Variants in EDIL3 observed in about 807,000 individuals in gnomAD.
EDIL3 encodes the protein EGF like and discoidin domains 3, also known as EGF-like repeat and discoidin I-like domain-containing protein 3.
EDIL3 carries 37 observed loss-of-function variants against 67.4 expected under a neutral mutation model. The ratio of observed to expected loss-of-function variants is 0.55; its 90% CI spans 0.42 to 0.72. The LOEUF is 0.72. Among genes scored for constraint, EDIL3 ranks in the 30% least tolerant of loss-of-function variants. EDIL3 has a pLI of 0.00. For missense variants in EDIL3, 527 were observed against 586.3 expected (o/e 0.90, Z 1.04); for synonymous variants, 195 against 196.3 (o/e 0.99, Z 0.05).
At chr5:84,373,301 G>A (rs1009543805) in intron 1 of EDIL3, among the ~76,000 whole-genome samples, 3 of 152,084 alleles carry the variant, frequency 2.0e-5, no homozygotes, top group Non-Finnish European at 4.4e-5. Context: ...GCCATTCGGT[G>A]CCAATTTTCT....
chr5:84,012,276 G>A (rs1313013048), intron 9 of EDIL3, among the ~76,000 whole-genome samples: 1 of 152,054 alleles, frequency 6.6e-6, no homozygotes, highest in African/African-American at 2.4e-5. Context: ...TTGAAAAGTT[G>A]CTTACCTCTC....
chr5:83,992,353 A>G (rs1032164854), intron 9 of EDIL3, among the ~76,000 whole-genome samples: 1 of 152,206 alleles, frequency 6.6e-6, no homozygotes, highest in Non-Finnish European at 1.5e-5. Flanking sequence ...TGATCCAGCA[A>G]TTATCAGGTT....
chr5:84,025,299 A>G (rs779087480), intron 9 of EDIL3, among the ~76,000 whole-genome samples: 5 of 152,162 alleles, frequency 3.3e-5, no homozygotes, highest in Non-Finnish European at 7.4e-5. Context: ...ATGTCAGGCA[A>G]GGGAGCGAAG....
At chr5:83,950,036 C>T (rs1034139482) in intron 10 of EDIL3, among the ~76,000 whole-genome samples, 1 of 151,746 alleles carries the variant, frequency 6.6e-6, no homozygotes, top group African/African-American at 2.4e-5. Context: ...TGAATACCAA[C>T]GCTAAGGTGA....
At chr5:84,067,331 T>C (rs1005735160) in intron 6 of EDIL3, among the ~76,000 whole-genome samples, 1 of 152,238 alleles carries the variant, frequency 6.6e-6, no homozygotes, top group Non-Finnish European at 1.5e-5. Flanking sequence ...ATTCTTCTCA[T>C]GTTTAATAGA....
intron 4 of EDIL3, among the ~76,000 whole-genome samples, chr5:84,161,524 T>C (rs1011714857): frequency 9.2e-5 from 14 of 152,126 alleles, no homozygotes; most frequent in African/African-American, 3.1e-4. Context: ...TAATACTAGA[T>C]ATTTGTTTCT....
Position 84,384,471 on chromosome 5 carries a change from C to G in EDIL3, c.-97G>C. ...CGCAGGGCAGCAGCAGACTCCGCCCCTACTAAAGAATTCAAGAAGACGTTC... is the reference window on the plus strand; with the variant it reads ...CGCAGGGCAGCAGCAGACTCCGCCCGTACTAAAGAATTCAAGAAGACGTTC... On this transcript the variant is annotated 5_prime_UTR_variant, in exon 1 of 11. Transcript: ENST00000296591. 8.5e-7 allele frequency: 1 copy of G among 1,175,286 alleles called. No homozygotes were observed. The highest frequency in any genetic ancestry group is 2.0e-5 in the Admixed American group (1 of 49,410). 72.8% of individuals were successfully genotyped at this position (1,175,286 alleles called of 1,614,324 possible). A position where few individuals can be genotyped will look rare whatever the true frequency, so the allele number is the denominator to read the frequency against.
At chr5:84,324,535 A>G (rs980158947) in intron 1 of EDIL3, among the ~76,000 whole-genome samples, 19 of 151,812 alleles carry the variant, frequency 1.3e-4, no homozygotes, top group African/African-American at 4.3e-4. Context: ...CTAAACCCAA[A>G]GCTAGAAGAA....
chr5:84,150,139 T>C (rs1296996093), intron 4 of EDIL3, among the ~76,000 whole-genome samples: 4 of 152,180 alleles, frequency 2.6e-5, no homozygotes, highest in Non-Finnish European at 5.9e-5. Flanking sequence ...CACATCGTTA[T>C]TACAAAAGAC....
At chr5:84,100,366 C>T (rs769587568) in intron 6 of EDIL3, among the ~76,000 whole-genome samples, 16 of 152,154 alleles carry the variant, frequency 1.1e-4, no homozygotes, top group Non-Finnish European at 1.8e-4. Flanking sequence ...GAATGAGGCA[C>T]GTATACACCA....
chr5:84,191,461 T>C (rs1339821069), intron 3 of EDIL3, among the ~76,000 whole-genome samples: 5 of 152,020 alleles, frequency 3.3e-5, no homozygotes, highest in Non-Finnish European at 7.4e-5. Flanking sequence ...AAGTTACTGT[T>C]TAGATTGCCT....
Position 84,106,723 on chromosome 5 carries a change from A to C in EDIL3, c.577T>G (p.Tyr193Asp). The change falls in exon 6 of 11, where the codon TAT becomes GAT. Residue 193 changes from tyrosine (Y) to aspartate (D), a missense_variant. By Grantham distance (160) the Tyr-to-Asp change is radical (BLOSUM62 -3). Transcript: ENST00000296591. Reference protein sequence around the residue: ...LFGLQKWYPYYARLNKKGLIN... With the variant: ...LFGLQKWYPYDARLNKKGLIN... ...AGCCCCTTCTTATTAAGACGTGCAT[A>C]GTAGGGATACCATTTTTGGAGTCCA... 6.2e-7 allele frequency: 1 copy of C among 1,613,456 alleles called. No individual in the cohort carries two copies. Among genetic ancestry groups the C allele is most frequent in the Non-Finnish European group, 8.5e-7 (1 of 1,179,606 alleles).
intron 9 of EDIL3, among the ~76,000 whole-genome samples, chr5:83,965,153 C>A (rs1744668447): frequency 6.6e-6 from 1 of 152,026 alleles, no homozygotes; most frequent in African/African-American, 2.4e-5. Flanking sequence ...AAGTGATTAC[C>A]ATTGATCATT....
At chr5:83,951,438 T>C (rs951592548) in intron 10 of EDIL3, among the ~76,000 whole-genome samples, 1 of 151,834 alleles carries the variant, frequency 6.6e-6, no homozygotes, top group African/African-American at 2.4e-5. Context: ...CACCACAAAT[T>C]TGATGTTCAC....
At chr5:84,053,467 A>G (rs1746379643) in intron 9 of EDIL3, among the ~76,000 whole-genome samples, 1 of 152,240 alleles carries the variant, frequency 6.6e-6, no homozygotes, top group Non-Finnish European at 1.5e-5. Context: ...TCAGAGCAGA[A>G]CTGAAGGAGA....
rs117647654 is a variant in EDIL3, at chr5:84,270,061, T to A, written c.68-15849A>T. Among the ~76,000 whole-genome samples, 115 of 152,356 alleles carry A rather than the reference T, an allele frequency of 7.5e-4. 1 individual carries two copies. In the East Asian group the frequency reaches 0.022, roughly 29 times the overall value. On this transcript the variant is annotated intron_variant, in intron 1 of 10. Coordinates refer to ENST00000296591, the MANE Select transcript of EDIL3 (RefSeq NM_005711.5). ...AAGGATATGTGCAAAAATATCAACG[T>A]TAGTTATCTCTAGATAGTGAGATCA...
chr5:84,195,481 C>T (rs116454661), intron 3 of EDIL3, among the ~76,000 whole-genome samples: 3,214 of 151,800 alleles, frequency 0.021, 119 homozygotes, highest in African/African-American at 0.073. Flanking sequence ...TTTTGTGTGA[C>T]CTAATTGAAG....
intron 3 of EDIL3, among the ~76,000 whole-genome samples, chr5:84,213,484 C>T (rs1171006368): frequency 4.6e-5 from 7 of 152,186 alleles, no homozygotes; most frequent in Non-Finnish European, 5.9e-5. Context: ...CCAATCTGTA[C>T]AGTGGTTTTA....
chr5:84,246,349 A>G (rs1167444847), intron 2 of EDIL3, among the ~76,000 whole-genome samples: 1 of 152,224 alleles, frequency 6.6e-6, no homozygotes, highest in Non-Finnish European at 1.5e-5. Flanking sequence ...AATAGTAGAG[A>G]TCAGTTAACC....
Sources: allele counts gnomAD v4.1 joint callset (sites outside exome capture counted in the v4.1 genomes callset), GRCh38; gene constraint gnomAD v4.1.1; transcripts MANE v1.5; gene names NCBI Gene and HGNC (gene_info 2026-07-23, HGNC 2026-07-21).